Variants in ANO3 observed in about 807,000 individuals in gnomAD.
ANO3 encodes the protein anoctamin-3.
Under a neutral mutation model 144.8 loss-of-function variants are expected in ANO3, and 99 were observed. The observed-to-expected ratio is 0.68, with a 90% CI of 0.58 to 0.81. The LOEUF (loss-of-function observed/expected upper bound fraction) is 0.81. Ranked by LOEUF, ANO3 falls within the 30% of genes least tolerant of loss-of-function variation. The pLI, the probability that ANO3 is intolerant of heterozygous loss-of-function variation, is 0.00. For synonymous variants in ANO3, 414 were observed against 392.6 expected, an observed-to-expected ratio of 1.05 and a Z score of -0.64; for missense variants, 905 against 1,202.2, an observed-to-expected ratio of 0.75 and a Z score of 3.66.
Position 26,356,391 on chromosome 11 carries a change from C to G in ANO3, c.46+24070C>G, listed in dbSNP as rs1318005671. 2.0e-5 allele frequency among the ~76,000 whole-genome samples: 3 copies of G among 152,164 alleles called. No individual in the cohort carries two copies. The East Asian group carries it at 5.8e-4, about 29-fold the overall frequency. On this transcript the variant is annotated intron_variant, in intron 1 of 26. Transcript: ENST00000256737. Reference sequence around the variant, plus strand: ...AGTTTCTTTATGTACCTTTATGCCTCTGTTCTGTCCCTCCCTCTCTCTTAT... The same window carrying G: ...AGTTTCTTTATGTACCTTTATGCCTGTGTTCTGTCCCTCCCTCTCTCTTAT...
chr11:26,439,159 T>C (rs889559863), intron 1 of ANO3, among the ~76,000 whole-genome samples: 3 of 152,184 alleles, frequency 2.0e-5, no homozygotes, highest in African/African-American at 7.2e-5. Context: ...CTTCACACCA[T>C]GTACAAATTA....
intron 1 of ANO3, among the ~76,000 whole-genome samples, chr11:26,360,669 G>A (rs1855901785): frequency 1.3e-5 from 2 of 152,080 alleles, no homozygotes; most frequent in South Asian, 2.1e-4. Context: ...ATGCTGAACC[G>A]CTTAGTAAAG....
At chr11:26,656,235 C>T (rs1459615873) in intron 25 of ANO3, 30 bp downstream of exon 25, 1 of 1,579,614 alleles carries the variant, frequency 6.3e-7, no homozygotes. Context: ...TTCCTGCTTG[C>T]TTTCACCATT....
chr11:26,221,623 C>T (rs1852144878), intron 1 of ANO3, among the ~76,000 whole-genome samples: 2 of 152,198 alleles, frequency 1.3e-5, no homozygotes, highest in South Asian at 4.1e-4. Context: ...GCTTAATTCA[C>T]TCATGATTCT....
intron 1 of ANO3, among the ~76,000 whole-genome samples, chr11:26,301,992 G>A (rs1233088461): frequency 6.6e-6 from 1 of 152,170 alleles, no homozygotes; most frequent in Non-Finnish European, 1.5e-5. Context: ...TCGAAAAGTA[G>A]GGGAGAGACT....
chr11:26,608,938 G>T (rs772119860), intron 17 of ANO3, among the ~76,000 whole-genome samples: 1 of 152,204 alleles, frequency 6.6e-6, no homozygotes, highest in Admixed American at 6.5e-5. Flanking sequence ...GGCTTAGACA[G>T]CAGGCACCTG....
chr11:26,588,672 G>C (rs1254932758), intron 14 of ANO3, among the ~76,000 whole-genome samples: 2 of 152,170 alleles, frequency 1.3e-5, no homozygotes, highest in Non-Finnish European at 2.9e-5. Context: ...CCTTGACAGA[G>C]ACCAATGATA....
intron 3 of ANO3, among the ~76,000 whole-genome samples, chr11:26,462,428 C>T (rs1859436846): frequency 6.6e-6 from 1 of 151,678 alleles, no homozygotes; most frequent in Non-Finnish European, 1.5e-5. Flanking sequence ...CATGTACATC[C>T]TTATGTGTAA....
At chr11:26,467,830 C>A (rs1008867969) in intron 4 of ANO3, among the ~76,000 whole-genome samples, 5 of 151,682 alleles carry the variant, frequency 3.3e-5, no homozygotes, top group African/African-American at 1.2e-4. Context: ...CTTTTTCATC[C>A]CTATGTGGCT....
intron 1 of ANO3, among the ~76,000 whole-genome samples, chr11:26,228,247 A>G (rs1448450081): frequency 6.6e-6 from 1 of 152,210 alleles, no homozygotes. Flanking sequence ...CGACCCACAT[A>G]ATTTTCAAAT....
chr11:26,410,352 A>G (rs1170238312), intron 1 of ANO3, among the ~76,000 whole-genome samples: 1 of 152,058 alleles, frequency 6.6e-6, no homozygotes, highest in Non-Finnish European at 1.5e-5. Context: ...AGAGGACAGA[A>G]GCAAGGAAGT....
chr11:26,230,772 G>A (rs1852374362), intron 1 of ANO3, among the ~76,000 whole-genome samples: 1 of 120,004 alleles, frequency 8.3e-6, no homozygotes. Context: ...ACTCCAGCCT[G>A]GGTGACAGAG....
chr11:26,273,225 A>G (rs1853482246), intron 1 of ANO3, among the ~76,000 whole-genome samples: 1 of 141,848 alleles, frequency 7.0e-6, no homozygotes, highest in Non-Finnish European at 1.5e-5. Flanking sequence ...TGCCTTTTAA[A>G]GTTTTTTTTT....
intron 1 of ANO3, among the ~76,000 whole-genome samples, chr11:26,214,862 T>G (rs539885562): frequency 8.8e-4 from 133 of 151,978 alleles, no homozygotes; most frequent in Non-Finnish European, 1.8e-3. Flanking sequence ...CTCTTGGCCT[T>G]AACAGGTTCA....
chr11:26,327,657 G>C (rs552673036), upstream of ANO3, among the ~76,000 whole-genome samples: 57 of 152,170 alleles, frequency 3.7e-4, no homozygotes, highest in Non-Finnish European at 7.2e-4. Flanking sequence ...ACATGGACTT[G>C]ATGATTTTTG....
At chr11:26,270,888 T>A (rs1853424301) in intron 1 of ANO3, among the ~76,000 whole-genome samples, 1 of 152,054 alleles carries the variant, frequency 6.6e-6, no homozygotes, top group Non-Finnish European at 1.5e-5. Flanking sequence ...TCATGAAAAA[T>A]ATAGCATCAG....
At chr11:26,378,485 G>A (rs2133947121) in intron 1 of ANO3, among the ~76,000 whole-genome samples, 1 of 149,482 alleles carries the variant, frequency 6.7e-6, no homozygotes, top group South Asian at 2.1e-4. Context: ...TACTACAGTG[G>A]GTAATTTCCA....
At chr11:26,596,761 T>C (rs746152662) in intron 14 of ANO3, among the ~76,000 whole-genome samples, 5 of 152,118 alleles carry the variant, frequency 3.3e-5, no homozygotes, top group Non-Finnish European at 7.4e-5. Context: ...CCAGGAGATA[T>C]GGGTCAGAAG....
intron 1 of ANO3, among the ~76,000 whole-genome samples, chr11:26,238,185 C>T (rs1333486134): frequency 6.6e-6 from 1 of 152,060 alleles, no homozygotes; most frequent in Non-Finnish European, 1.5e-5. Context: ...AGGATTCAAG[C>T]CATATTAAAC....
Sources: gnomAD v4.1 joint callset for allele counts (sites outside exome capture counted in the v4.1 genomes callset) on GRCh38, gnomAD v4.1.1 for gene constraint, MANE v1.5 for transcripts, NCBI Gene and HGNC (gene_info 2026-07-23, HGNC 2026-07-21) for gene names.